SAMD12: variants seen among roughly 807,000 people sequenced by gnomAD.
SAMD12 encodes sterile alpha motif domain-containing protein 12.
In SAMD12, 9 loss-of-function variants were observed where a neutral mutation model predicts 15.0. The ratio of observed to expected loss-of-function variants is 0.60; its 90% CI spans 0.36 to 1.05. The LOEUF is 1.05. Among genes scored for constraint, SAMD12 ranks in the 50% least tolerant of loss-of-function variants. The pLI, the probability that SAMD12 is intolerant of heterozygous loss-of-function variation, is 0.01. For synonymous variants in SAMD12, 86 were observed against 90.1 expected, an observed-to-expected ratio of 0.96 and a Z score of 0.25; for missense variants, 230 against 234.2, an observed-to-expected ratio of 0.98 and a Z score of 0.12.
In SAMD12 at chr8:118,584,019, G is replaced by A. The variant is rs369842240; in HGVS notation, c.14-3126C>T. 5.9e-5 allele frequency among the ~76,000 whole-genome samples: 9 copies of A among 152,182 alleles called. No homozygotes were observed. The South Asian group carries it at 1.0e-3, about 18-fold the overall frequency. On this transcript the variant is annotated intron_variant, in intron 1 of 3. Coordinates refer to ENST00000314727, the MANE Select transcript of SAMD12 (RefSeq NM_207506.3). ...TGAACCAGCAATTCCCTTCCTTTAC[G>A]CAATCATGCCTTAAATCAGAAGAAA...
intron 3 of SAMD12, among the ~76,000 whole-genome samples, chr8:118,393,685 G>A (rs1330872724): frequency 4.0e-5 from 6 of 151,402 alleles, no homozygotes; most frequent in East Asian, 1.9e-4. Context: ...TGCAACCTCC[G>A]CCTCCTGGGT....
chr8:118,451,062 AC>A (rs1399389734), intron 2 of SAMD12, among the ~76,000 whole-genome samples: 2 of 152,096 alleles, frequency 1.3e-5, no homozygotes, highest in Non-Finnish European at 2.9e-5. Flanking sequence ...TTTCCTGACA[AC>A]CTGCAAAGTA....
At chr8:118,306,958 C>T (rs183853992) in intron 4 of SAMD12, among the ~76,000 whole-genome samples, 34 of 152,316 alleles carry the variant, frequency 2.2e-4, no homozygotes, top group African/African-American at 5.5e-4. Flanking sequence ...ACTAAGTTTT[C>T]TCTGAAAGCA....
the SAMD12 span, among the ~76,000 whole-genome samples, chr8:118,139,668 G>A: frequency 1.3e-5 from 2 of 152,048 alleles, no homozygotes; most frequent in Non-Finnish European, 2.9e-5. Context: ...TCCATTCTAG[G>A]ATTCCATTCT....
chr8:118,523,741 C>T (rs1825454005), intron 2 of SAMD12, among the ~76,000 whole-genome samples: 1 of 152,132 alleles, frequency 6.6e-6, no homozygotes, highest in Non-Finnish European at 1.5e-5. Flanking sequence ...AATACCTGCT[C>T]CTACTCCAAT....
chr8:118,340,471 T>A (rs977691165), intron 4 of SAMD12, among the ~76,000 whole-genome samples: 1 of 152,186 alleles, frequency 6.6e-6, no homozygotes. Context: ...TTATTATTTT[T>A]AATATTTTAA....
At chr8:118,227,166 C>G (rs1353206355) in intron 4 of SAMD12, among the ~76,000 whole-genome samples, 1 of 152,064 alleles carries the variant, frequency 6.6e-6, no homozygotes, top group African/African-American at 2.4e-5. Flanking sequence ...ACATACACAC[C>G]ATGAAATACT....
At chr8:118,332,136 T>C (rs1395309098) in intron 4 of SAMD12, among the ~76,000 whole-genome samples, 1 of 152,118 alleles carries the variant, frequency 6.6e-6, no homozygotes, top group Non-Finnish European at 1.5e-5. Context: ...AAAAGTCAAA[T>C]GTAAACTAAG....
At chr8:118,419,642 G>C (rs1821901729) in intron 3 of SAMD12, among the ~76,000 whole-genome samples, 2 of 152,148 alleles carry the variant, frequency 1.3e-5, no homozygotes, top group Admixed American at 6.5e-5. Context: ...CTTGAACTTA[G>C]TGGGAGCTCA....
At chr8:118,348,377 C>CTTT (rs113186433) in intron 4 of SAMD12, among the ~76,000 whole-genome samples, 22 of 146,892 alleles carry the variant, frequency 1.5e-4, no homozygotes, top group African/African-American at 2.0e-4. Flanking sequence ...CCACTTATTA[C>CTTT]TTTTTTTTTT....
chr8:118,436,978 G>A (rs16891010), intron 3 of SAMD12, among the ~76,000 whole-genome samples: 1 of 152,178 alleles, frequency 6.6e-6, no homozygotes, highest in Non-Finnish European at 1.5e-5. Flanking sequence ...TTGCGATGCA[G>A]CTCTGGGCTG....
At chr8:118,427,689 T>G (rs554811108) in intron 3 of SAMD12, among the ~76,000 whole-genome samples, 1 of 152,220 alleles carries the variant, frequency 6.6e-6, no homozygotes, top group Non-Finnish European at 1.5e-5. Context: ...TCGTCTTGAC[T>G]GATATAAGGG....
chr8:118,621,621 C>T, intron 1 of SAMD12, 183 bp downstream of exon 1: 1 of 662,592 alleles, frequency 1.5e-6, no homozygotes, highest in Non-Finnish European at 2.7e-6. Flanking sequence ...TCCAAAGCAA[C>T]TGAATTAAAG....
chr8:118,172,380 T>C, the SAMD12 span, among the ~76,000 whole-genome samples: 1 of 152,230 alleles, frequency 6.6e-6, no homozygotes, highest in African/African-American at 2.4e-5. Flanking sequence ...ATAGTCAGTT[T>C]CCTCAGTAAA....
intron 4 of SAMD12, among the ~76,000 whole-genome samples, chr8:118,347,081 A>G (rs1482398544): frequency 6.6e-6 from 1 of 152,152 alleles, no homozygotes; most frequent in African/African-American, 2.4e-5. Flanking sequence ...ACGTGCCACC[A>G]TGCCTGGTTA....
chr8:118,492,150 T>C (rs1486427793), intron 2 of SAMD12, among the ~76,000 whole-genome samples: 1 of 149,562 alleles, frequency 6.7e-6, no homozygotes, highest in East Asian at 2.0e-4. Context: ...AAGTTTTAAG[T>C]CATACTAGTT....
chr8:118,179,769 T>C, the SAMD12 span, among the ~76,000 whole-genome samples: 1 of 152,190 alleles, frequency 6.6e-6, no homozygotes, highest in Non-Finnish European at 1.5e-5. Flanking sequence ...ATCTGACTTA[T>C]GCACATACGG....
At chr8:118,403,248 G>A (rs758862418) in intron 3 of SAMD12, among the ~76,000 whole-genome samples, 5 of 152,074 alleles carry the variant, frequency 3.3e-5, no homozygotes, top group Non-Finnish European at 2.9e-5. Context: ...CAAAGAGAAA[G>A]GAACAAAAAT....
chr8:118,255,389 A>C (rs990490831), intron 4 of SAMD12, among the ~76,000 whole-genome samples: 2 of 151,884 alleles, frequency 1.3e-5, no homozygotes, highest in Non-Finnish European at 2.9e-5. Context: ...GTTTTAGGGT[A>C]CATGTGCACA....
Sources: allele counts gnomAD v4.1 joint callset (sites outside exome capture counted in the v4.1 genomes callset), GRCh38; gene constraint gnomAD v4.1.1; transcripts MANE v1.5; gene names NCBI Gene and HGNC (gene_info 2026-07-23, HGNC 2026-07-21).